Variants in LPP observed in about 807,000 individuals in gnomAD.
LPP encodes the protein LIM domain containing preferred translocation partner in lipoma.
Under a neutral mutation model 60.4 loss-of-function variants are expected in LPP, and 38 were observed. The observed-to-expected ratio is 0.63, with a 90% confidence interval of 0.49 to 0.83. LPP has a LOEUF of 0.83. Ranked by LOEUF, LPP falls within the 40% of genes least tolerant of loss-of-function variation. The pLI is 0.00. For synonymous variants in LPP, 328 were observed against 290.8 expected (o/e 1.13, Z -1.30); for missense variants, 902 against 783.6 (o/e 1.15, Z -1.80).
At position 188,588,393 on chromosome 3, in the gene LPP, A is replaced by G. The variant is rs188782161; in HGVS notation, c.430-20768A>G. 8.5e-4 allele frequency among the ~76,000 whole-genome samples: 130 copies of G among 152,292 alleles called. 1 individual carries two copies. The highest frequency in any genetic ancestry group is 2.9e-3 in the African/African-American group (121 of 41,556). On this transcript the variant is annotated intron_variant, in intron 6 of 11. Coordinates refer to ENST00000617246, the MANE Select transcript of LPP (RefSeq NM_001375462.1). Reference sequence around the variant, plus strand: ...AATATTTGTCCCTTAATTCTATTAAATTAGTTGTCAACTAAAATTAAAGGT... The same window carrying G: ...AATATTTGTCCCTTAATTCTATTAAGTTAGTTGTCAACTAAAATTAAAGGT...
chr3:188,730,441 A>T (rs1720028172), intron 8 of LPP, among the ~76,000 whole-genome samples: 1 of 152,198 alleles, frequency 6.6e-6, no homozygotes, highest in Admixed American at 6.5e-5. Context: ...TTATGAATTG[A>T]GTGAATTATC....
intron 2 of LPP, among the ~76,000 whole-genome samples, chr3:188,288,817 C>CCCA (rs1553851076): frequency 1.1e-5 from 1 of 93,032 alleles, no homozygotes; most frequent in African/African-American, 4.7e-5. Flanking sequence ...CTCCACCCCC[C>CCCA]ACCCCCCACC....
chr3:188,511,109 TCCTCCTTCCTTCCTACCTGCTTC>T (rs1325771197), intron 5 of LPP, among the ~76,000 whole-genome samples: 1 of 84,774 alleles, frequency 1.2e-5, no homozygotes, highest in Admixed American at 1.6e-4. Context: ...CCTCCCTCCT[TCCTCCTTCCTTCCTACCTGCTTC>T]CCTCCTTTCT....
intron 3 of LPP, among the ~76,000 whole-genome samples, chr3:188,372,143 G>T (rs1205981825): frequency 6.6e-6 from 1 of 152,006 alleles, no homozygotes; most frequent in African/African-American, 2.4e-5. Context: ...CAACCCAAGT[G>T]TTGTAGAAGT....
At chr3:188,289,868 AG>A (rs1372239223) in intron 2 of LPP, among the ~76,000 whole-genome samples, 1 of 152,240 alleles carries the variant, frequency 6.6e-6, no homozygotes, top group Middle Eastern at 3.2e-3. Flanking sequence ...CTGTGAATAA[AG>A]GATTATAAAA....
chr3:188,753,493 A>C lies in LPP; in HGVS notation c.1241-6620A>C, dbSNP rs184943612. Among the ~76,000 whole-genome samples the C allele has an allele frequency of 2.6e-5, 4 of 151,034 alleles. 1 individual carries two copies. The highest frequency in any genetic ancestry group is 9.8e-5 in the African/African-American group (4 of 40,986). Reference sequence around the variant, plus strand: ...CAGGAGATCACTCAGCCTTCACTTCATCTCATCTGGTTTGCTGCCCAGGCC... The same window carrying C: ...CAGGAGATCACTCAGCCTTCACTTCCTCTCATCTGGTTTGCTGCCCAGGCC... On this transcript the variant is annotated intron_variant, in intron 8 of 11. Transcript: ENST00000617246.
At chr3:188,659,343 C>A (rs1854059722) in intron 7 of LPP, among the ~76,000 whole-genome samples, 1 of 152,182 alleles carries the variant, frequency 6.6e-6, no homozygotes, top group African/African-American at 2.4e-5. Flanking sequence ...CATGTTACGT[C>A]TTTTATCAGA....
intron 10 of LPP, among the ~76,000 whole-genome samples, chr3:188,869,980 C>A (rs1285405929): frequency 6.6e-6 from 1 of 152,096 alleles, no homozygotes; most frequent in African/African-American, 2.4e-5. Context: ...CTTTAAAGGC[C>A]CAACTCAATT....
chr3:188,383,012 AG>A (rs1423228453), intron 3 of LPP, among the ~76,000 whole-genome samples: 1 of 152,198 alleles, frequency 6.6e-6, no homozygotes, highest in Non-Finnish European at 1.5e-5. Context: ...AGGCCGAGAG[AG>A]GGTTACTCCT....
chr3:188,447,784 A>T (rs1204739930), intron 4 of LPP, among the ~76,000 whole-genome samples: 1 of 152,040 alleles, frequency 6.6e-6, no homozygotes, highest in African/African-American at 2.4e-5. Context: ...TTAGAAGAAA[A>T]AAAAAAGGTG....
chr3:188,618,480 C>T (rs754523673), intron 7 of LPP, among the ~76,000 whole-genome samples: 2 of 152,162 alleles, frequency 1.3e-5, no homozygotes, highest in African/African-American at 2.4e-5. Context: ...TAAGAACTGA[C>T]GTCGCCTCAC....
chr3:188,322,135 T>C (rs191257376), intron 2 of LPP, among the ~76,000 whole-genome samples: 6 of 152,366 alleles, frequency 3.9e-5, no homozygotes, highest in Non-Finnish European at 7.3e-5. Context: ...CTGGATAATC[T>C]TATTTTTTCT....
intron 3 of LPP, among the ~76,000 whole-genome samples, chr3:188,374,818 A>T (rs1199838326): frequency 6.6e-6 from 1 of 152,120 alleles, no homozygotes; most frequent in African/African-American, 2.4e-5. Flanking sequence ...GTTTTTGCCC[A>T]TTCAGTATGA....
intron 7 of LPP, among the ~76,000 whole-genome samples, chr3:188,652,478 T>C (rs1852289789): frequency 6.6e-6 from 1 of 152,150 alleles, no homozygotes; most frequent in Non-Finnish European, 1.5e-5. Context: ...GAGAATCTGT[T>C]CAATTAAACA....
intron 4 of LPP, among the ~76,000 whole-genome samples, chr3:188,454,221 C>T (rs6772558): frequency 0.012 from 1,790 of 152,294 alleles, 35 homozygotes; most frequent in African/African-American, 0.041. Flanking sequence ...TGTGGCATCA[C>T]AGCCTATGCT....
intron 2 of LPP, among the ~76,000 whole-genome samples, chr3:188,249,824 C>T (rs2149544008): frequency 8.2e-6 from 1 of 121,720 alleles, no homozygotes; most frequent in East Asian, 2.2e-4. Context: ...CTCTCTTTCT[C>T]TGTCTACACA....
chr3:188,309,277 T>C (rs1472743266), intron 2 of LPP, among the ~76,000 whole-genome samples: 1 of 152,092 alleles, frequency 6.6e-6, no homozygotes, highest in African/African-American at 2.4e-5. Context: ...TGCCTTGCCC[T>C]CCCAAAGTGC....
At chr3:188,353,185 G>A (rs186413236) in intron 3 of LPP, among the ~76,000 whole-genome samples, 7 of 152,196 alleles carry the variant, frequency 4.6e-5, no homozygotes, top group South Asian at 2.1e-4. Context: ...CAGGGTCCTC[G>A]GGAGCAGAAA....
At chr3:188,361,694 G>A (rs1316810813) in intron 3 of LPP, among the ~76,000 whole-genome samples, 11 of 151,900 alleles carry the variant, frequency 7.2e-5, no homozygotes, top group Admixed American at 7.2e-4. Flanking sequence ...AGCCTCCCAA[G>A]TAGCTGGGAT....
Sources: gnomAD v4.1 joint callset for allele counts (sites outside exome capture counted in the v4.1 genomes callset) on GRCh38, gnomAD v4.1.1 for gene constraint, MANE v1.5 for transcripts, NCBI Gene and HGNC (gene_info 2026-07-23, HGNC 2026-07-21) for gene names.